The following TNFSF10 variants were observed in gnomAD, a reference collection of about 807,000 sequenced individuals.
TNFSF10 encodes TNF superfamily member 10, also known as tumor necrosis factor ligand superfamily member 10.
A neutral mutation model predicts 29.5 loss-of-function variants in TNFSF10; 13 were observed. The observed-to-expected ratio is 0.44, with a 90% CI of 0.29 to 0.70. The LOEUF (loss-of-function observed/expected upper bound fraction) is 0.70. Ranked by LOEUF, TNFSF10 falls within the 30% of genes least tolerant of loss-of-function variation. The pLI, the probability that TNFSF10 is intolerant of heterozygous loss-of-function variation, is 0.13. For synonymous variants in TNFSF10, 111 were observed against 112.8 expected, an observed-to-expected ratio of 0.98 and a Z score of 0.10; for missense variants, 345 against 330.9, an observed-to-expected ratio of 1.04 and a Z score of -0.33.
intron 1 of TNFSF10, among the ~76,000 whole-genome samples, chr3:172,521,867 A>G (rs962912409): frequency 1.3e-5 from 2 of 152,270 alleles, no homozygotes; most frequent in African/African-American, 4.8e-5. Flanking sequence ...TGCAGCCATT[A>G]AAAAGAATGA....
intron 4 of TNFSF10, 62 bp from the exon 5 acceptor site, chr3:172,506,981 T>A (rs17848019): frequency 0.68 from 971,630 of 1,434,916 alleles, 330,630 homozygotes; most frequent in African/African-American, 0.78. Flanking sequence ...AGCAAGGAGC[T>A]TTTTTGCAGC....
At chr3:172,522,189 C>A (rs1713728598) in intron 1 of TNFSF10, 1 of 387,846 alleles carries the variant, frequency 2.6e-6, no homozygotes, top group African/African-American at 2.1e-5. Flanking sequence ...GTACACGTAT[C>A]CCAGAACTTA....
At chr3:172,517,232 G>C (rs987210516) in intron 1 of TNFSF10, 4 of 700,170 alleles carry the variant, frequency 5.7e-6, no homozygotes, top group African/African-American at 1.9e-5. Flanking sequence ...GGTGGAGTTT[G>C]ACAAGGATGG....
At chr3:172,523,200 A>T in intron 1 of TNFSF10, 53 bp downstream of exon 1, 2 of 1,523,228 alleles carry the variant, frequency 1.3e-6, no homozygotes, top group South Asian at 1.3e-5. Flanking sequence ...AGAAGCAGGT[A>T]ACCAGACATT....
At chr3:172,513,512 A>G (rs1368355851) in intron 2 of TNFSF10, among the ~76,000 whole-genome samples, 1 of 152,188 alleles carries the variant, frequency 6.6e-6, no homozygotes, top group African/African-American at 2.4e-5. Context: ...CAGAACAGGT[A>G]TGTTTCTAGG....
intron 1 of TNFSF10, chr3:172,517,244 C>G (rs231984): frequency 0.86 from 638,810 of 740,220 alleles, 276,373 homozygotes; most frequent in East Asian, 1. Context: ...CAAGGATGGT[C>G]GTGGTGGAGC....
At position 172,506,342 on chromosome 3, in the gene TNFSF10, T is replaced by C; in HGVS notation, c.*150A>G. ...TGTGTGTTGTAGAATTTTTTGGTTG[T>C]GGCTGCTCTACTCAGATTGCATAGA... is the stretch of plus-strand genomic sequence containing the variant. On this transcript the variant is annotated 3_prime_UTR_variant, in exon 5 of 5. Coordinates refer to ENST00000241261, the MANE Select transcript of TNFSF10 (RefSeq NM_003810.4). 1 of 948,870 alleles carries C rather than the reference T, an allele frequency of 1.1e-6. No homozygotes were observed. Among genetic ancestry groups the C allele is most frequent in the Non-Finnish European group, 1.5e-6 (1 of 659,142 alleles). 58.8% of individuals were successfully genotyped at this position (948,870 alleles called of 1,614,324 possible). A position where few individuals can be genotyped will look rare whatever the true frequency, so the allele number is the denominator to read the frequency against.
At chr3:172,518,555 G>A in intron 1 of TNFSF10, 1 of 1,027,236 alleles carries the variant, frequency 9.7e-7, no homozygotes. Flanking sequence ...CACAGTGACA[G>A]GCCATTCCTT....
intron 2 of TNFSF10, among the ~76,000 whole-genome samples, chr3:172,512,887 C>G (rs1713283638): frequency 6.6e-6 from 1 of 152,160 alleles, no homozygotes; most frequent in African/African-American, 2.4e-5. Context: ...AGTTATTTAA[C>G]TGATCTAAAC....
Position 172,523,396 on chromosome 3 carries a change from A to T in TNFSF10, c.-12T>A. 1.2e-6 allele frequency: 2 copies of T among 1,607,960 alleles called. No homozygotes were observed. Among genetic ancestry groups the T allele is most frequent in the Non-Finnish European group, 1.7e-6 (2 of 1,175,322 alleles). ...TCCATCATAGCCATGATCCTGTCAGAGTCTGACTGCTGTAAGTCAGCCAGG... is the reference window on the plus strand; with the variant it reads ...TCCATCATAGCCATGATCCTGTCAGTGTCTGACTGCTGTAAGTCAGCCAGG... On this transcript the variant is annotated 5_prime_UTR_variant, in exon 1 of 5. Transcript: ENST00000241261.
intron 4 of TNFSF10, 41 bp downstream of exon 4, chr3:172,509,176 C>T (rs1357057238): frequency 1.1e-5 from 16 of 1,522,482 alleles, no homozygotes; most frequent in Non-Finnish European, 1.4e-5. Flanking sequence ...ACAATCCTTC[C>T]ATTATTTTCC....
chr3:172,510,530 A>G lies in TNFSF10; in HGVS notation c.313+1087T>C, dbSNP rs561558747. ...GGAAATTTCCAACTGGTTATAGCAA[A>G]CACCTCCCAAAAAAGAAACCTGCAA... On this transcript the variant is annotated intron_variant, in intron 3 of 4. Transcript: ENST00000241261. Among the ~76,000 whole-genome samples, 4 of 152,296 alleles carry G rather than the reference A, an allele frequency of 2.6e-5. 1 individual carries two copies. In the South Asian group the frequency reaches 8.3e-4, roughly 32 times the overall value.
chr3:172,508,209 C>T (rs756967032), intron 4 of TNFSF10, among the ~76,000 whole-genome samples: 11 of 151,680 alleles, frequency 7.3e-5, no homozygotes, highest in South Asian at 4.2e-4. Flanking sequence ...GCAGGAGAAT[C>T]GCTTGAACCT....
rs192736250 is a variant in TNFSF10, at chr3:172,523,019, C to T, written c.132+234G>A. Among the ~76,000 whole-genome samples, 8 of 152,280 alleles carry T rather than the reference C, an allele frequency of 5.3e-5. No individual in the cohort carries two copies. The East Asian group carries it at 1.2e-3, about 22-fold the overall frequency. On this transcript the variant is annotated intron_variant, in intron 1 of 4. Transcript: ENST00000241261. The stretch of plus-strand genomic sequence containing the variant: ...AAAATCCCTCAGGAGTTTTGTTGCC[C>T]ACATCTGCTAGTAACTAGTGAAGCC...
intron 2 of TNFSF10, among the ~76,000 whole-genome samples, chr3:172,513,164 C>G (rs1713294117): frequency 6.6e-6 from 1 of 152,156 alleles, no homozygotes; most frequent in African/African-American, 2.4e-5. Flanking sequence ...GCAGGAATAG[C>G]AGGAAAGAGA....
Position 172,518,428 on chromosome 3 carries a change from T to C in TNFSF10, c.133-3430A>G, listed in dbSNP as rs1431769361. On this transcript the variant is annotated intron_variant, in intron 1 of 4. Transcript: ENST00000241261. ...AGATGGCAGCAATGACCCTGTCTGC[T>C]GCCCAGACATTAGTCTCTGGCAATC... 1.9e-5 allele frequency: 24 copies of C among 1,289,354 alleles called. No individual in the cohort carries two copies. The Middle Eastern group carries it at 6.4e-4, about 34-fold the overall frequency. The allele number at this position is 1,289,354 out of a possible 1,614,324, so 79.9% of individuals were successfully genotyped here.
chr3:172,517,409 T>C, intron 1 of TNFSF10: 1 of 985,278 alleles, frequency 1.0e-6, no homozygotes, highest in Non-Finnish European at 1.2e-6. Context: ...GGTTAACAAG[T>C]TAATGTAGCT....
At chr3:172,522,209 A>G in intron 1 of TNFSF10, 1 of 435,762 alleles carries the variant, frequency 2.3e-6, no homozygotes, top group Non-Finnish European at 4.3e-6. Context: ...AAAGTAAAAT[A>G]AAAAAATTTA....
At chr3:172,522,116 G>A (rs1713723721) in intron 1 of TNFSF10, 1 of 251,812 alleles carries the variant, frequency 4.0e-6, no homozygotes, top group African/African-American at 2.3e-5. Context: ...CTAGATGATG[G>A]GTTGATGGGT....
Sources: allele counts gnomAD v4.1 joint callset (sites outside exome capture counted in the v4.1 genomes callset), GRCh38; gene constraint gnomAD v4.1.1; transcripts MANE v1.5; gene names NCBI Gene and HGNC (gene_info 2026-07-23, HGNC 2026-07-21).